GRID2IP: variants seen among roughly 807,000 people sequenced by gnomAD.
GRID2IP encodes Grid2 interacting protein.
Under a neutral mutation model 114.3 loss-of-function variants are expected in GRID2IP, and 78 were observed. The observed-to-expected ratio is 0.68, with a 90% CI of 0.57 to 0.82. The LOEUF (loss-of-function observed/expected upper bound fraction) is 0.82, where lower values mean the gene tolerates loss of function less well. Among genes scored for constraint, GRID2IP ranks in the 40% least tolerant of loss-of-function variants. GRID2IP has a pLI of 0.00. For synonymous variants in GRID2IP, 809 were observed against 724.0 expected (o/e 1.12, Z -1.89); for missense variants, 1,727 against 1,678.5 (o/e 1.03, Z -0.51).
At chr7:6,535,502 G>C (rs1779710169) in intron 2 of GRID2IP, among the ~76,000 whole-genome samples, 1 of 152,068 alleles carries the variant, frequency 6.6e-6, no homozygotes, top group Non-Finnish European at 1.5e-5. Flanking sequence ...CCTCCTTGCA[G>C]ATCTCTGACA....
At position 6,542,323 on chromosome 7, in the gene GRID2IP, A is replaced by AAG. The variant is rs1779826352; in HGVS notation, c.430-2452_430-2451insCT. Among the ~76,000 whole-genome samples, 4 of 150,998 alleles carry AAG rather than the reference A, an allele frequency of 2.6e-5. No homozygotes were observed. In the South Asian group the frequency reaches 8.4e-4, roughly 32 times the overall value. On this transcript the variant is annotated intron_variant, in intron 1 of 21. Transcript: ENST00000457091. Reference sequence around the variant, plus strand: ...CTCCATCTCAAAAAAAAAAAAAAAAAAAAGAAAAAAGAAAATCCCAAAGTA... The same window carrying AAG: ...CTCCATCTCAAAAAAAAAAAAAAAAAAGAAAGAAAAAAGAAAATCCCAAAGTA...
chr7:6,512,815 CT>C (rs1562515886), intron 8 of GRID2IP, among the ~76,000 whole-genome samples: 1 of 152,026 alleles, frequency 6.6e-6, no homozygotes, highest in Admixed American at 6.6e-5. Flanking sequence ...ACGGCCACCC[CT>C]GGCTGATTTT....
At chr7:6,518,043 T>C (rs1779344318) in intron 7 of GRID2IP, among the ~76,000 whole-genome samples, 1 of 149,582 alleles carries the variant, frequency 6.7e-6, no homozygotes, top group South Asian at 2.1e-4. Flanking sequence ...ACCAGCAACA[T>C]GGCAAAACCC....
chr7:6,526,853 G>A lies in GRID2IP; in HGVS notation c.585-84C>T. On this transcript the variant is annotated intron_variant, in intron 2 of 21. Transcript: ENST00000457091. This position sits in a 1 kb window ranked among gnomAD's most constrained non-coding sequence, Gnocchi z 7.6. ...GCGGCCCGAAGGCGCGTCCTCGCGGGCGCCGCCCTAGGCTCTCCCACCTCT... is the reference window on the plus strand; with the variant it reads ...GCGGCCCGAAGGCGCGTCCTCGCGGACGCCGCCCTAGGCTCTCCCACCTCT... 2.2e-6 allele frequency: 3 copies of A among 1,367,074 alleles called. No homozygotes were observed. Among genetic ancestry groups the A allele is most frequent in the South Asian group, 3.0e-5 (2 of 67,568 alleles). The allele number at this position is 1,367,074 out of a possible 1,614,324, so 84.7% of individuals were successfully genotyped here.
At chr7:6,541,633 A>G (rs1354988699) in intron 1 of GRID2IP, among the ~76,000 whole-genome samples, 1 of 152,184 alleles carries the variant, frequency 6.6e-6, no homozygotes, top group Non-Finnish European at 1.5e-5. Context: ...GGAGCATGCA[A>G]ATAGACATGG....
At position 6,516,461 on chromosome 7, in the gene GRID2IP, AAAGAC is replaced by A. The variant is rs1278203794; in HGVS notation, c.1269-1937_1269-1933del. Among the ~76,000 whole-genome samples, 17 of 151,938 alleles carry A rather than the reference AAAGAC, an allele frequency of 1.1e-4. No homozygotes were observed. Among genetic ancestry groups the A allele is most frequent in the Non-Finnish European group, 2.5e-4 (17 of 67,934 alleles). ...GAAGGGACACGGTGAGAAGTGACCA[AAAGAC>A]AAGAGTGTGAGCCCTCCGTTATGCC... On this transcript the variant is annotated intron_variant, in intron 7 of 21. Transcript: ENST00000457091. This position sits in a 1 kb window ranked among gnomAD's most constrained non-coding sequence, Gnocchi z 4.3.
chr7:6,534,444 C>A lies in GRID2IP; in HGVS notation c.584+5274G>T, dbSNP rs867980631. Among the ~76,000 whole-genome samples the A allele has an allele frequency of 6.6e-6, 1 of 152,260 alleles. No homozygotes were observed. The highest frequency in any genetic ancestry group is 3.4e-3 in the Middle Eastern group (1 of 294). On this transcript the variant is annotated intron_variant, in intron 2 of 21. Transcript: ENST00000457091. This position sits in a 1 kb window ranked among gnomAD's most constrained non-coding sequence, Gnocchi z 4.5. The stretch of plus-strand genomic sequence containing the variant: ...GACCGGGGTCCCTTTGGGGAGAGAC[C>A]CAAATTAGCCTCCCAGTCGCAGGAT...
At chr7:6,500,369 C>T (rs544982793) in intron 20 of GRID2IP, among the ~76,000 whole-genome samples, 1 of 152,204 alleles carries the variant, frequency 6.6e-6, no homozygotes, top group South Asian at 2.1e-4. Flanking sequence ...GAGGCTGAGG[C>T]AGAAGAATTG....
rs1779514272 is a variant in GRID2IP at position 6,526,566 on chromosome 7, G to C, written c.788C>G (p.Ala263Gly). ...GGCGAGGCCGCCCACCAGCAAGGAGGCCCTGCGCGGGGGCGGCTCATCGGG... is the reference window on the plus strand; with the variant it reads ...GGCGAGGCCGCCCACCAGCAAGGAGCCCCTGCGCGGGGGCGGCTCATCGGG... Reference protein sequence around the residue: ...RRPDEPPPRRASLLVGGLAGP... With the variant: ...RRPDEPPPRRGSLLVGGLAGP... The change falls in exon 3 of 22, where the codon GCC (alanine) becomes GGC (glycine). Residue 263 changes from alanine to glycine, a missense_variant. Transcript: ENST00000457091. The surrounding 1 kb of genome is among the most constrained non-coding windows in gnomAD (Gnocchi z 7.6). The C allele has an allele frequency of 8.3e-7, 1 of 1,208,370 alleles. No homozygotes were observed. The highest frequency in any genetic ancestry group is 1.0e-6 in the Non-Finnish European group (1 of 973,714). 74.9% of individuals were successfully genotyped at this position (1,208,370 alleles called of 1,614,324 possible). A position where few individuals can be genotyped will look rare whatever the true frequency, so the allele number is the denominator to read the frequency against.
rs902283108 is a variant in GRID2IP at position 6,502,992 on chromosome 7, G to A, written c.3063+16C>T. 3.2e-6 allele frequency: 5 copies of A among 1,551,336 alleles called. No individual in the cohort carries two copies. Among genetic ancestry groups the A allele is most frequent in the Middle Eastern group, 1.7e-4 (1 of 6,010 alleles). On this transcript the variant is annotated intron_variant, in intron 17 of 21. Coordinates refer to ENST00000457091, the MANE Select transcript of GRID2IP (RefSeq NM_001145118.2). ...AGAGAAGCAGATAGGGTGCCAGGAA[G>A]GGTACGCCCACTGACCTCCAGGATC...
chr7:6,530,987 G>T (rs11772639), intron 2 of GRID2IP: 1 of 608,428 alleles, frequency 1.6e-6, no homozygotes, highest in East Asian at 3.4e-5. Flanking sequence ...AGCCCCACCC[G>T]CTTTCAGACC....
chr7:6,537,149 C>A (rs1164177401), intron 2 of GRID2IP, among the ~76,000 whole-genome samples: 1 of 151,986 alleles, frequency 6.6e-6, no homozygotes, highest in Non-Finnish European at 1.5e-5. Context: ...TTGGTCCAAG[C>A]TGGGCAGGCA....
chr7:6,508,897 G>A lies in GRID2IP; in HGVS notation c.2127+61C>T. On this transcript the variant is annotated intron_variant, in intron 12 of 21. Transcript: ENST00000457091. This position sits in a 1 kb window ranked among gnomAD's most constrained non-coding sequence, Gnocchi z 5.6. ...CTTGCGGGAGCCCAGGAACACTGTT[G>A]CCTTGCAGACCGCCACACCTCGCCT... 1 of 1,505,354 alleles carries A rather than the reference G, an allele frequency of 6.6e-7. No individual in the cohort carries two copies. Among genetic ancestry groups the A allele is most frequent in the South Asian group, 1.3e-5 (1 of 78,084 alleles). The allele number at this position is 1,505,354 out of a possible 1,614,324, so 93.2% of individuals were successfully genotyped here.
intron 1 of GRID2IP, among the ~76,000 whole-genome samples, chr7:6,541,399 G>A (rs574042747): frequency 3.9e-5 from 6 of 152,084 alleles, no homozygotes; most frequent in African/African-American, 9.7e-5. Flanking sequence ...CATACTGTGC[G>A]CTGAGAGATC....
chr7:6,518,642 A>G (rs1019583019), intron 7 of GRID2IP, among the ~76,000 whole-genome samples: 1 of 152,040 alleles, frequency 6.6e-6, no homozygotes, highest in Non-Finnish European at 1.5e-5. Flanking sequence ...AGGCTGAGGC[A>G]GGAGAATCGC....
intron 17 of GRID2IP, 25 bp downstream of exon 17, chr7:6,502,983 T>G (rs1786459333): frequency 6.4e-7 from 1 of 1,551,126 alleles, no homozygotes; most frequent in East Asian, 2.4e-5. Context: ...GCAGATAGGG[T>G]GCCAGGAAGG....
chr7:6,502,755 C>G, intron 18 of GRID2IP, 31 bp downstream of exon 18: 1 of 1,505,518 alleles, frequency 6.6e-7, no homozygotes, highest in East Asian at 2.5e-5. Context: ...GTAGAGCAAA[C>G]CAGTCGATTG....
chr7:6,508,440 G>A lies in GRID2IP; in HGVS notation c.2128-39C>T, dbSNP rs780143694. ...GAGAGGCAAGGGGAGGGTGAGGCTG[G>A]GCCCAGAGAGACTAGAGCAGGTGCA... On this transcript the variant is annotated intron_variant, in intron 12 of 21. Coordinates refer to ENST00000457091, the MANE Select transcript of GRID2IP (RefSeq NM_001145118.2). This position sits in a 1 kb window ranked among gnomAD's most constrained non-coding sequence, Gnocchi z 5.6. 271 of 1,549,792 alleles carry A rather than the reference G, an allele frequency of 1.7e-4. No homozygotes were observed. The highest frequency in any genetic ancestry group is 2.2e-4 in the Non-Finnish European group (249 of 1,146,734).
Position 6,536,828 on chromosome 7 carries a change from C to A in GRID2IP, c.584+2890G>T, listed in dbSNP as rs769252346. ...CCTAGCAAGGGGCTCACCCCTTACT[C>A]ACCCCAGGCAGCTCATGGTGGCCTC... On this transcript the variant is annotated intron_variant, in intron 2 of 21. Coordinates refer to ENST00000457091, the MANE Select transcript of GRID2IP (RefSeq NM_001145118.2). This position sits in a 1 kb window ranked among gnomAD's most constrained non-coding sequence, Gnocchi z 5.3. 4.4e-4 allele frequency: 312 copies of A among 702,496 alleles called. 1 individual carries two copies. The highest frequency in any genetic ancestry group is 7.3e-4 in the Non-Finnish European group (280 of 384,720). 43.5% of individuals were successfully genotyped at this position (702,496 alleles called of 1,614,324 possible). A position where few individuals can be genotyped will look rare whatever the true frequency, so the allele number is the denominator to read the frequency against.
Sources: allele counts gnomAD v4.1 joint callset (sites outside exome capture counted in the v4.1 genomes callset), GRCh38; gene constraint gnomAD v4.1.1; non-coding constraint Gnocchi (gnomAD v3.1); transcripts MANE v1.5; gene names NCBI Gene and HGNC (gene_info 2026-07-23, HGNC 2026-07-21).